Variants in PABPC1L2B observed in about 807,000 individuals in gnomAD.
The protein encoded by PABPC1L2B is poly(A) binding protein cytoplasmic 1 like 2B, also known as polyadenylate-binding protein 1-like 2.
For synonymous variants in PABPC1L2B, 7 were observed against 7.1 expected (o/e 0.99, Z 0.02); for missense variants, 5 against 16.4 (o/e 0.30, Z 1.20).
rs1384233476 is a variant in PABPC1L2B, at chrX:73,003,550, G to A, written c.-93G>A. 22 of 532,505 alleles carry A rather than the reference G, an allele frequency of 4.1e-5. No homozygotes were observed. The highest frequency in any genetic ancestry group is 5.2e-5 in the Non-Finnish European group (21 of 400,622). The allele number at this position is 532,505 out of a possible 1,213,427, so 43.9% of individuals were successfully genotyped here. On this transcript the variant is annotated 5_prime_UTR_variant, in exon 1 of 1. Transcript: ENST00000373521. The stretch of plus-strand genomic sequence containing the variant: ...GGATGCGAATGCGAAGGTGGCGGCC[G>A]AGGTGGCGGCCGAGGTGGCGGCTGC...
chrX:73,003,483 G>C lies in PABPC1L2B; in HGVS notation c.-160G>C. ...CCGCCGCCGCAGCGGAGGCTGCGGGGCCCCCCTTGGGGGAGGCGGAGGCGG... is the reference window on the plus strand; with the variant it reads ...CCGCCGCCGCAGCGGAGGCTGCGGGCCCCCCCTTGGGGGAGGCGGAGGCGG... On this transcript the variant is annotated 5_prime_UTR_variant, in exon 1 of 1. Transcript: ENST00000373521. 9.1e-6 allele frequency: 5 copies of C among 547,396 alleles called. No homozygotes were observed. Among genetic ancestry groups the C allele is most frequent in the Non-Finnish European group, 1.2e-5 (5 of 424,732 alleles). 45.1% of individuals were successfully genotyped at this position (547,396 alleles called of 1,213,427 possible). A position where few individuals can be genotyped will look rare whatever the true frequency, so the allele number is the denominator to read the frequency against.
In PABPC1L2B at chrX:73,005,406, T is replaced by G. The variant is rs1396679088; in HGVS notation, c.*1161T>G. 1 of 122,833 alleles carries G rather than the reference T, an allele frequency of 8.1e-6. No homozygotes were observed. The highest frequency in any genetic ancestry group is 3.3e-5 in the African/African-American group (1 of 30,592). 10.1% of individuals were successfully genotyped at this position (122,833 alleles called of 1,213,427 possible). On this transcript the variant is annotated 3_prime_UTR_variant, in exon 1 of 1. Transcript: ENST00000373521. ...CACTGTTTATTACCCCCTTCCCCTG[T>G]GCCCACTTCCTGTCCTTTTCCCTGT...
Position 73,003,484 on chromosome X carries a change from C to T in PABPC1L2B, c.-159C>T, listed in dbSNP as rs1288625641. 9.4e-5 allele frequency: 53 copies of T among 562,089 alleles called. No individual in the cohort carries two copies. The highest frequency in any genetic ancestry group is 1.1e-4 in the Admixed American group (2 of 18,232). 46.3% of individuals were successfully genotyped at this position (562,089 alleles called of 1,213,427 possible). ...CGCCGCCGCAGCGGAGGCTGCGGGGCCCCCCTTGGGGGAGGCGGAGGCGGA... is the reference window on the plus strand; with the variant it reads ...CGCCGCCGCAGCGGAGGCTGCGGGGTCCCCCTTGGGGGAGGCGGAGGCGGA... On this transcript the variant is annotated 5_prime_UTR_variant, in exon 1 of 1. Transcript: ENST00000373521.
At position 73,004,450 on chromosome X, in the gene PABPC1L2B, TC is replaced by T; in HGVS notation, c.*210del. 2.9e-6 allele frequency: 1 copy of T among 347,647 alleles called. No homozygotes were observed. 28.7% of individuals were successfully genotyped at this position (347,647 alleles called of 1,213,427 possible). ...CACCTCTCCTCTCCTTCCCTTCCTC[TC>T]CCCCGCCCACCCCCACCAAGGGCGT... On this transcript the variant is annotated 3_prime_UTR_variant, in exon 1 of 1. Coordinates refer to ENST00000373521, the MANE Select transcript of PABPC1L2B (RefSeq NM_001042506.2).
chrX:73,004,123 G>A lies in PABPC1L2B; in HGVS notation c.481G>A (p.Val161Ile). The change falls in exon 1 of 1, where the codon GTC (valine) becomes ATC (isoleucine). Residue 161 changes from valine (V) to isoleucine (I), a missense_variant. Val to Ile is a conservative substitution (Grantham distance 29). Coordinates refer to ENST00000373521, the MANE Select transcript of PABPC1L2B (RefSeq NM_001042506.2). ...GTTCCTGAACTACCGCAAAATTTTC[G>A]TCGGGAGATTCAAGTCGCATAAAGA... ...GMFLNYRKIF[V>I]GRFKSHKERE... 1 of 248,918 alleles carries A rather than the reference G, an allele frequency of 4.0e-6. No homozygotes were observed. The highest frequency in any genetic ancestry group is 7.5e-5 in the East Asian group (1 of 13,389). 20.5% of individuals were successfully genotyped at this position (248,918 alleles called of 1,213,427 possible). A position where few individuals can be genotyped will look rare whatever the true frequency, so the allele number is the denominator to read the frequency against.
rs2055172300 is a variant in PABPC1L2B at position 73,003,422 on chromosome X, C to G, written c.-221C>G. On this transcript the variant is annotated 5_prime_UTR_variant, in exon 1 of 1. Transcript: ENST00000373521. ...GAGGCGGAGGCCGCCCGGGTGGCAA[C>G]GGTGGTGGCGGTGGCGGAGGGCAGC... 1.1e-5 allele frequency: 1 copy of G among 93,481 alleles called. No homozygotes were observed. Among genetic ancestry groups the G allele is most frequent in the Non-Finnish European group, 1.5e-5 (1 of 67,341 alleles). The allele number at this position is 93,481 out of a possible 1,213,427, so 7.7% of individuals were successfully genotyped here.
rs1556364596 is a variant in PABPC1L2B at position 73,005,398 on chromosome X, TTCCCCTG to T, written c.*1155_*1161del. The stretch of plus-strand genomic sequence containing the variant: ...CAATCAAACACTGTTTATTACCCCC[TTCCCCTG>T]TGCCCACTTCCTGTCCTTTTCCCTG... On this transcript the variant is annotated 3_prime_UTR_variant, in exon 1 of 1. Transcript: ENST00000373521. 1 of 122,645 alleles carries T rather than the reference TTCCCCTG, an allele frequency of 8.2e-6. No individual in the cohort carries two copies. The highest frequency in any genetic ancestry group is 1.9e-5 in the Non-Finnish European group (1 of 53,208). The allele number at this position is 122,645 out of a possible 1,213,427, so 10.1% of individuals were successfully genotyped here.
In PABPC1L2B at chrX:73,005,332, G is replaced by A. The variant is rs183104677; in HGVS notation, c.*1087G>A. 8.2e-6 allele frequency: 1 copy of A among 122,204 alleles called. No homozygotes were observed. Among genetic ancestry groups the A allele is most frequent in the African/African-American group, 3.3e-5 (1 of 30,433 alleles). 10.1% of individuals were successfully genotyped at this position (122,204 alleles called of 1,213,427 possible). A position where few individuals can be genotyped will look rare whatever the true frequency, so the allele number is the denominator to read the frequency against. On this transcript the variant is annotated 3_prime_UTR_variant, in exon 1 of 1. Coordinates refer to ENST00000373521, the MANE Select transcript of PABPC1L2B (RefSeq NM_001042506.2). ...GTGTGTGTGTCTTGGCCAGCTTGGC[G>A]GGCTGCAAAGGGTGTTTCCCTGTCC...
rs782143498 is a variant in PABPC1L2B, at chrX:73,004,987, C to T, written c.*742C>T. The T allele has an allele frequency of 1.6e-5, 1 of 62,441 alleles. No homozygotes were observed. The highest frequency in any genetic ancestry group is 1.1e-3 in the South Asian group (1 of 907). The allele number at this position is 62,441 out of a possible 1,213,427, so 5.1% of individuals were successfully genotyped here. A position where few individuals can be genotyped will look rare whatever the true frequency, so the allele number is the denominator to read the frequency against. On this transcript the variant is annotated 3_prime_UTR_variant, in exon 1 of 1. Coordinates refer to ENST00000373521, the MANE Select transcript of PABPC1L2B (RefSeq NM_001042506.2). ...GCATTGTTGGACATTCAGGTGGTGC[C>T]TAGTTCTTTCCCTGTGTTTAAGACC...
In PABPC1L2B at chrX:73,005,927, A is replaced by G. The variant is rs1479608089; in HGVS notation, c.*1682A>G. 1.8e-5 allele frequency among the ~76,000 whole-genome samples: 2 copies of G among 111,934 alleles called. No homozygotes were observed. Among genetic ancestry groups the G allele is most frequent in the Non-Finnish European group, 3.8e-5 (2 of 53,211 alleles). On this transcript the variant is annotated 3_prime_UTR_variant, in exon 1 of 1. Transcript: ENST00000373521. ...ATGTTTATTTCCTGAACAAAAGTTA[A>G]TAGTATAATTGAAGGATGAAAAGAT...
rs1184266825 is a variant in PABPC1L2B, at chrX:73,005,682, C to G, written c.*1437C>G. 2.4e-5 allele frequency: 3 copies of G among 122,880 alleles called. No homozygotes were observed. The highest frequency in any genetic ancestry group is 3.8e-5 in the Non-Finnish European group (2 of 53,263). 10.1% of individuals were successfully genotyped at this position (122,880 alleles called of 1,213,427 possible). ...ACATAGATTTATAGATATTCTTGAACTTTCATGTCATTAAATATTCTTCTA... is the reference window on the plus strand; with the variant it reads ...ACATAGATTTATAGATATTCTTGAAGTTTCATGTCATTAAATATTCTTCTA... On this transcript the variant is annotated 3_prime_UTR_variant, in exon 1 of 1. Transcript: ENST00000373521.
rs2055172550 is a variant in PABPC1L2B at position 73,003,471 on chromosome X, G to A, written c.-172G>A. 1 of 289,278 alleles carries A rather than the reference G, an allele frequency of 3.5e-6. No individual in the cohort carries two copies. Among genetic ancestry groups the A allele is most frequent in the Non-Finnish European group, 5.1e-6 (1 of 197,089 alleles). 23.8% of individuals were successfully genotyped at this position (289,278 alleles called of 1,213,427 possible). On this transcript the variant is annotated 5_prime_UTR_variant, in exon 1 of 1. Transcript: ENST00000373521. ...GCGCGGCCGAAGCCGCCGCCGCAGC[G>A]GAGGCTGCGGGGCCCCCCTTGGGGG...
In PABPC1L2B at chrX:73,005,272, C is replaced by CGTGCGTGCGTGT. The variant is rs2055181373; in HGVS notation, c.*1032_*1043dup. The CGTGCGTGCGTGT allele has an allele frequency of 1.6e-5, 2 of 121,812 alleles. No homozygotes were observed. Among genetic ancestry groups the CGTGCGTGCGTGT allele is most frequent in the African/African-American group, 6.6e-5 (2 of 30,302 alleles). 10.0% of individuals were successfully genotyped at this position (121,812 alleles called of 1,213,427 possible). ...GTCACTGTAATTGATCGTGTGTGTG[C>CGTGCGTGCGTGT]GTGCGTGCGTGTGTGCATGCGTGTG... On this transcript the variant is annotated 3_prime_UTR_variant, in exon 1 of 1. Transcript: ENST00000373521.
chrX:73,005,304 T>TG lies in PABPC1L2B; in HGVS notation c.*1059_*1060insG, dbSNP rs1556364537. 4 of 122,496 alleles carry TG rather than the reference T, an allele frequency of 3.3e-5. No homozygotes were observed. Among genetic ancestry groups the TG allele is most frequent in the Admixed American group, 9.6e-5 (1 of 10,412 alleles). The allele number at this position is 122,496 out of a possible 1,213,427, so 10.1% of individuals were successfully genotyped here. A position where few individuals can be genotyped will look rare whatever the true frequency, so the allele number is the denominator to read the frequency against. On this transcript the variant is annotated 3_prime_UTR_variant, in exon 1 of 1. Coordinates refer to ENST00000373521, the MANE Select transcript of PABPC1L2B (RefSeq NM_001042506.2). Reference sequence around the variant, plus strand: ...GCGTGTGTGCATGCGTGTGTGTGTCTTTGTGTGTGTGTCTTGGCCAGCTTG... The same window carrying TG: ...GCGTGTGTGCATGCGTGTGTGTGTCTGTTGTGTGTGTGTCTTGGCCAGCTTG...
In PABPC1L2B at chrX:73,003,549, C is replaced by T. The variant is rs1786974346; in HGVS notation, c.-94C>T. ...CGGATGCGAATGCGAAGGTGGCGGC[C>T]GAGGTGGCGGCCGAGGTGGCGGCTG... is the stretch of plus-strand genomic sequence containing the variant. On this transcript the variant is annotated 5_prime_UTR_variant, in exon 1 of 1. Transcript: ENST00000373521. 1.8e-6 allele frequency: 1 copy of T among 551,511 alleles called. No homozygotes were observed. The highest frequency in any genetic ancestry group is 4.4e-5 in the Admixed American group (1 of 22,829). 45.5% of individuals were successfully genotyped at this position (551,511 alleles called of 1,213,427 possible).
chrX:73,003,568 G>C lies in PABPC1L2B; in HGVS notation c.-75G>C. ...GGCGGCCGAGGTGGCGGCCGAGGTG[G>C]CGGCTGCGGCGGCCGCCGCGGATGC... On this transcript the variant is annotated 5_prime_UTR_variant, in exon 1 of 1. Coordinates refer to ENST00000373521, the MANE Select transcript of PABPC1L2B (RefSeq NM_001042506.2). The C allele has an allele frequency of 3.1e-6, 1 of 325,223 alleles. No individual in the cohort carries two copies. The highest frequency in any genetic ancestry group is 4.6e-6 in the Non-Finnish European group (1 of 219,306). The allele number at this position is 325,223 out of a possible 1,213,427, so 26.8% of individuals were successfully genotyped here.
Position 73,005,590 on chromosome X carries a change from A to C in PABPC1L2B, c.*1345A>C, listed in dbSNP as rs1381488872. On this transcript the variant is annotated 3_prime_UTR_variant, in exon 1 of 1. Transcript: ENST00000373521. ...ATCTGCCCTGTATTTTTCATGTGAT[A>C]TATATGTGAAATTATTGTATATACT... 8.1e-6 allele frequency: 1 copy of C among 123,220 alleles called. No individual in the cohort carries two copies. Among genetic ancestry groups the C allele is most frequent in the Non-Finnish European group, 1.9e-5 (1 of 53,317 alleles). The allele number at this position is 123,220 out of a possible 1,213,427, so 10.2% of individuals were successfully genotyped here.
Position 73,005,825 on chromosome X carries a change from C to T in PABPC1L2B, c.*1580C>T, listed in dbSNP as rs1403526868. 8.4e-6 allele frequency: 1 copy of T among 119,009 alleles called. No homozygotes were observed. The highest frequency in any genetic ancestry group is 1.9e-5 in the Non-Finnish European group (1 of 53,148). The allele number at this position is 119,009 out of a possible 1,213,427, so 9.8% of individuals were successfully genotyped here. A position where few individuals can be genotyped will look rare whatever the true frequency, so the allele number is the denominator to read the frequency against. ...ATATTTGTTTTAAGTAGTTATTGGA[C>T]GTCTGGGTTGTTTCATTTTGTTTTC... On this transcript the variant is annotated 3_prime_UTR_variant, in exon 1 of 1. Coordinates refer to ENST00000373521, the MANE Select transcript of PABPC1L2B (RefSeq NM_001042506.2).
chrX:73,005,273 G>C lies in PABPC1L2B; in HGVS notation c.*1028G>C, dbSNP rs1420857780. 4.1e-5 allele frequency: 5 copies of C among 122,064 alleles called. No individual in the cohort carries two copies. Among genetic ancestry groups the C allele is most frequent in the Non-Finnish European group, 7.5e-5 (4 of 53,183 alleles). 10.1% of individuals were successfully genotyped at this position (122,064 alleles called of 1,213,427 possible). A position where few individuals can be genotyped will look rare whatever the true frequency, so the allele number is the denominator to read the frequency against. The stretch of plus-strand genomic sequence containing the variant: ...TCACTGTAATTGATCGTGTGTGTGC[G>C]TGCGTGCGTGTGTGCATGCGTGTGT... On this transcript the variant is annotated 3_prime_UTR_variant, in exon 1 of 1. Coordinates refer to ENST00000373521, the MANE Select transcript of PABPC1L2B (RefSeq NM_001042506.2).
Sources: gnomAD v4.1 joint callset for allele counts (sites outside exome capture counted in the v4.1 genomes callset) on GRCh38, gnomAD v4.1.1 for gene constraint, MANE v1.5 for transcripts, NCBI Gene and HGNC (gene_info 2026-07-23, HGNC 2026-07-21) for gene names.